The following FAM161A variants were observed in gnomAD, a reference collection of about 807,000 sequenced individuals.
FAM161A encodes the protein protein FAM161A.
In FAM161A, 57 loss-of-function variants were observed where a neutral mutation model predicts 70.9. That is an observed-to-expected ratio of 0.80 (90% CI 0.65 to 1.00). The LOEUF (loss-of-function observed/expected upper bound fraction) is 1.00, where lower values mean the gene tolerates loss of function less well. FAM161A is among the 50% of genes least tolerant of loss of function. FAM161A has a pLI of 0.00. For synonymous variants in FAM161A, 299 were observed against 295.7 expected (o/e 1.01, Z -0.12); for missense variants, 880 against 836.0 (o/e 1.05, Z -0.65).
At chr2:61,813,091 G>A in the FAM161A span, among the ~76,000 whole-genome samples, 1 of 152,028 alleles carries the variant, frequency 6.6e-6, no homozygotes, top group Admixed American at 6.6e-5. Context: ...ATGCTTAAGT[G>A]TAAATTTGGT....
Position 61,853,986 on chromosome 2 carries a change from A to T in FAM161A, c.56T>A (p.Val19Glu). 1 of 1,613,538 alleles carries T rather than the reference A, an allele frequency of 6.2e-7. No homozygotes were observed. Among genetic ancestry groups the T allele is most frequent in the Non-Finnish European group, 8.5e-7 (1 of 1,179,720 alleles). The change falls in exon 1 of 7, where the codon GTA (valine) becomes GAA (glutamate). Residue 19 changes from valine (V) to glutamate (E), a missense_variant. Val to Glu is a moderately radical substitution (Grantham distance 121, BLOSUM62 -2). Transcript: ENST00000404929. ...KLVASSLQTP[V>E]NPITGARVAQ... ...GACCCGCGCTCCAGTGATGGGATTT[A>T]CCGGGGTCTGGAGACTGGAGGCCAC...
chr2:61,842,896 A>G (rs944342347), intron 1 of FAM161A, among the ~76,000 whole-genome samples: 4 of 152,186 alleles, frequency 2.6e-5, no homozygotes, highest in Non-Finnish European at 5.9e-5. Context: ...GCCAGGGAGA[A>G]GCCCTCCTCA....
Position 61,825,639 on chromosome 2 carries a change from CTTTTTTT to C in FAM161A, c.*809_*815del, listed in dbSNP as rs759062810. ...TTGCAAGTATCCATTTTTTTCTATA[CTTTTTTT>C]TTTTTTTTGGAGACGGAGTCTCGCT... is the stretch of plus-strand genomic sequence containing the variant. On this transcript the variant is annotated 3_prime_UTR_variant, in exon 7 of 7. Coordinates refer to ENST00000404929, the MANE Select transcript of FAM161A (RefSeq NM_001201543.2). 3.5e-5 allele frequency: 14 copies of C among 400,718 alleles called. No homozygotes were observed. The allele number at this position is 400,718 out of a possible 1,614,324, so 24.8% of individuals were successfully genotyped here.
At chr2:61,803,220 T>C in the FAM161A span, 4 of 590,590 alleles carry the variant, frequency 6.8e-6, 1 homozygote, top group African/African-American at 7.5e-5. Flanking sequence ...CCAAAATGTA[T>C]AAGACCACAC....
the FAM161A span, among the ~76,000 whole-genome samples, chr2:61,811,769 G>A: frequency 2.0e-5 from 3 of 152,138 alleles, no homozygotes; most frequent in Admixed American, 1.3e-4. Flanking sequence ...ACCTCCCAAA[G>A]TGCTGGGATT....
the FAM161A span, among the ~76,000 whole-genome samples, chr2:61,803,738 C>T: frequency 3.3e-5 from 5 of 152,086 alleles, no homozygotes; most frequent in East Asian, 1.9e-4. Context: ...GGTGTGAACT[C>T]GGGACATGGA....
intron 1 of FAM161A, among the ~76,000 whole-genome samples, chr2:61,849,998 G>A (rs971316122): frequency 1.3e-5 from 2 of 152,120 alleles, no homozygotes; most frequent in East Asian, 1.9e-4. Context: ...GGAGGGCGGC[G>A]TAGGTTGAAA....
chr2:61,804,784 A>AAGAAAGAAAG, the FAM161A span, among the ~76,000 whole-genome samples: 1 of 149,286 alleles, frequency 6.7e-6, no homozygotes, highest in Non-Finnish European at 1.5e-5. Context: ...GAAAGAAAGA[A>AAGAAAGAAAG]AGAAAGAAAG....
chr2:61,829,362 C>T (rs576353089), intron 5 of FAM161A, among the ~76,000 whole-genome samples: 2 of 152,206 alleles, frequency 1.3e-5, no homozygotes, highest in African/African-American at 4.8e-5. Context: ...CACAGGAGAA[C>T]CTGAAATAGC....
chr2:61,806,431 C>T, the FAM161A span, among the ~76,000 whole-genome samples: 1 of 152,008 alleles, frequency 6.6e-6, no homozygotes, highest in Non-Finnish European at 1.5e-5. Flanking sequence ...ATTATTCTGT[C>T]GTTGTCATTG....
chr2:61,829,349 T>C (rs557992700), intron 5 of FAM161A, among the ~76,000 whole-genome samples: 1 of 152,284 alleles, frequency 6.6e-6, no homozygotes, highest in African/African-American at 2.4e-5. Flanking sequence ...GAGTCTAGTG[T>C]TACACAGGAG....
the FAM161A span, among the ~76,000 whole-genome samples, chr2:61,806,223 C>CA: frequency 1.3e-5 from 2 of 150,064 alleles, no homozygotes; most frequent in South Asian, 2.1e-4. Context: ...TGATCCGTCT[C>CA]AAAAAAAAAG....
the FAM161A span, among the ~76,000 whole-genome samples, chr2:61,807,540 G>T: frequency 2.0e-5 from 3 of 151,034 alleles, no homozygotes; most frequent in South Asian, 6.3e-4. Flanking sequence ...TCAGATGCTT[G>T]CTGGGCCAAT....
At position 61,826,561 on chromosome 2, in the gene FAM161A, C is replaced by G; in HGVS notation, c.2045G>C (p.Gly682Ala). Residue 682 changes from glycine (G) to alanine (A), a missense_variant, in exon 7 of 7, where the codon GGG (glycine) becomes GCG (alanine). Gly to Ala is a moderately conservative substitution (Grantham distance 60). Coordinates refer to ENST00000404929, the MANE Select transcript of FAM161A (RefSeq NM_001201543.2). ...GGTATCAATAAAATAATTTTCTTCC[C>G]CATTCTCTCTTTCTTCTATTTTTTC... is the stretch of plus-strand genomic sequence containing the variant. The part of the protein sequence containing the change: ...EEEKIEEREN[G>A]EENYFIDTNS... 1 of 1,599,842 alleles carries G rather than the reference C, an allele frequency of 6.3e-7. No individual in the cohort carries two copies. The highest frequency in any genetic ancestry group is 8.5e-7 in the Non-Finnish European group (1 of 1,170,512).
At chr2:61,803,780 C>T in the FAM161A span, among the ~76,000 whole-genome samples, 2 of 152,098 alleles carry the variant, frequency 1.3e-5, no homozygotes, top group Non-Finnish European at 2.9e-5. Context: ...CACCATTGTA[C>T]TCCAGCCTGG....
intron 1 of FAM161A, among the ~76,000 whole-genome samples, chr2:61,844,030 C>T (rs1673116570): frequency 6.6e-6 from 1 of 152,086 alleles, no homozygotes. Flanking sequence ...ATATTCCCAG[C>T]TACTCGGGAG....
intron 4 of FAM161A, among the ~76,000 whole-genome samples, chr2:61,838,042 T>C (rs1191338180): frequency 6.6e-6 from 1 of 152,206 alleles, no homozygotes; most frequent in African/African-American, 2.4e-5. Context: ...AAAATTCTAG[T>C]GAAGGGGTTC....
At chr2:61,824,193 ATTTTTTT>A (rs5831622), downstream of FAM161A, among the ~76,000 whole-genome samples, 43 of 127,808 alleles carry the variant, frequency 3.4e-4, no homozygotes, top group African/African-American at 1.2e-3. Flanking sequence ...CGCCTGGCTA[ATTTTTTT>A]TTTTTTTTTT....
Position 61,836,083 on chromosome 2 carries a change from T to G in FAM161A, c.1778A>C (p.Glu593Ala). The G allele has an allele frequency of 6.2e-7, 1 of 1,610,288 alleles. No homozygotes were observed. The highest frequency in any genetic ancestry group is 8.5e-7 in the Non-Finnish European group (1 of 1,178,402). Residue 593 changes from glutamate to alanine, a missense_variant, in exon 5 of 7, where the codon GAA becomes GCA. By Grantham distance (107) the Glu-to-Ala change is moderately radical. Transcript: ENST00000404929. ...LRKSEKERMREYQRELEEREE... is the reference protein window; with the variant it reads ...LRKSEKERMRAYQRELEEREE... Reference sequence around the variant, plus strand: ...TCTTTCTTCTAGTTCTCGTTGGTATTCTCTCATCCTTTCCTTTTCGCTCTT... The same window carrying G: ...TCTTTCTTCTAGTTCTCGTTGGTATGCTCTCATCCTTTCCTTTTCGCTCTT...
Sources: gnomAD v4.1 joint callset for allele counts (sites outside exome capture counted in the v4.1 genomes callset) on GRCh38, gnomAD v4.1.1 for gene constraint, MANE v1.5 for transcripts, NCBI Gene and HGNC (gene_info 2026-07-23, HGNC 2026-07-21) for gene names.